The following ABLIM2 variants were observed in gnomAD, a reference collection of about 807,000 sequenced individuals.
ABLIM2 encodes the protein actin binding LIM protein family member 2, also known as actin-binding LIM protein 2.
Under a neutral mutation model 97.7 loss-of-function variants are expected in ABLIM2, and 53 were observed. That is an observed-to-expected ratio of 0.54 (90% CI 0.44 to 0.68). The LOEUF (loss-of-function observed/expected upper bound fraction) is 0.68. Ranked by LOEUF, ABLIM2 falls within the 30% of genes least tolerant of loss-of-function variation. ABLIM2 has a pLI of 0.00. For missense variants in ABLIM2, 835 were observed against 867.2 expected, an observed-to-expected ratio of 0.96 and a Z score of 0.47; for synonymous variants, 361 against 345.8, an observed-to-expected ratio of 1.04 and a Z score of -0.49.
At position 8,068,444 on chromosome 4, in the gene ABLIM2, G is replaced by A. The variant is rs182264737; in HGVS notation, c.676-7390C>T. 2.1e-4 allele frequency among the ~76,000 whole-genome samples: 32 copies of A among 152,228 alleles called. No homozygotes were observed. The highest frequency in any genetic ancestry group is 6.5e-5 in the Admixed American group (1 of 15,290). Reference sequence around the variant, plus strand: ...GTTTAAGGGACGTCCCCACTGTGACGTGCAGAATAGGGCCAGCAGGACAGA... The same window carrying A: ...GTTTAAGGGACGTCCCCACTGTGACATGCAGAATAGGGCCAGCAGGACAGA... On this transcript the variant is annotated intron_variant, in intron 6 of 20. Transcript: ENST00000447017. This position sits in a 1 kb window ranked among gnomAD's most constrained non-coding sequence, Gnocchi z 4.5.
intron 8 of ABLIM2, among the ~76,000 whole-genome samples, chr4:8,048,579 G>A (rs923898893): frequency 2.9e-4 from 44 of 152,320 alleles, no homozygotes; most frequent in African/African-American, 1.0e-3. Flanking sequence ...TCGCTCTACC[G>A]CCCTTGGCCA....
chr4:8,054,311 G>A lies in ABLIM2; in HGVS notation c.764-65C>T, dbSNP rs1357869084. 3.2e-6 allele frequency: 5 copies of A among 1,556,418 alleles called. No individual in the cohort carries two copies. The Admixed American group carries it at 6.8e-5, about 21-fold the overall frequency. On this transcript the variant is annotated intron_variant, in intron 7 of 20. Coordinates refer to ENST00000447017, the MANE Select transcript of ABLIM2 (RefSeq NM_001130083.2). This position sits in a 1 kb window ranked among gnomAD's most constrained non-coding sequence, Gnocchi z 4.9. ...TTCCCATGTTGCAGGGGCCTGTGTG[G>A]AAACGCAGAGGAGGGAGCTGGTCCA...
intron 1 of ABLIM2, among the ~76,000 whole-genome samples, chr4:8,156,380 T>C (rs190990630): frequency 6.6e-6 from 1 of 152,186 alleles, no homozygotes; most frequent in African/African-American, 2.4e-5. Flanking sequence ...AGCTAGGACA[T>C]TGGATTCGGA....
At chr4:8,037,012 C>T (rs1253017072) in intron 9 of ABLIM2, among the ~76,000 whole-genome samples, 1 of 152,138 alleles carries the variant, frequency 6.6e-6, no homozygotes, top group African/African-American at 2.4e-5. Context: ...GCACATCCTC[C>T]CATTTGCTTA....
chr4:7,997,009 G>C (rs1003824555), intron 16 of ABLIM2, among the ~76,000 whole-genome samples: 2 of 152,028 alleles, frequency 1.3e-5, no homozygotes, highest in Admixed American at 6.6e-5. Flanking sequence ...TTGGTTTCTG[G>C]AACTTGTAGG....
At chr4:8,141,577 T>C (rs1380477439) in intron 1 of ABLIM2, among the ~76,000 whole-genome samples, 1 of 152,232 alleles carries the variant, frequency 6.6e-6, no homozygotes, top group Non-Finnish European at 1.5e-5. Flanking sequence ...AGATGGAGTA[T>C]CGCTATGTTG....
intron 5 of ABLIM2, among the ~76,000 whole-genome samples, chr4:8,078,878 G>A (rs1043876566): frequency 2.6e-5 from 4 of 152,248 alleles, no homozygotes; most frequent in Non-Finnish European, 5.9e-5. Context: ...CTGGCACAGA[G>A]CGAGGTACCT....
At chr4:7,969,326 T>G in intron 20 of ABLIM2, among the ~76,000 whole-genome samples, 1 of 151,946 alleles carries the variant, frequency 6.6e-6, no homozygotes, top group Middle Eastern at 3.4e-3. Flanking sequence ...CGCTGGCGTG[T>G]ACCTGTAGTC....
chr4:8,029,635 A>G (rs1249082164), intron 11 of ABLIM2, 21 bp downstream of exon 11: 6 of 1,487,046 alleles, frequency 4.0e-6, no homozygotes, highest in Non-Finnish European at 4.5e-6. Flanking sequence ...GGGGGCTCAG[A>G]GGAACCAGGG....
intron 10 of ABLIM2, among the ~76,000 whole-genome samples, chr4:8,035,712 C>T (rs1397224044): frequency 6.6e-6 from 1 of 152,230 alleles, no homozygotes; most frequent in Non-Finnish European, 1.5e-5. Context: ...TACATTGGCT[C>T]ATGAATTCAT....
In ABLIM2 at chr4:8,108,153, T is replaced by A. The variant is rs115608199; in HGVS notation, c.11-1516A>T. Reference sequence around the variant, plus strand: ...TTGTTACAGAAGCCAGGGAAGGTAATGCAGTGGTCAACCTGTCAGATAGGT... The same window carrying A: ...TTGTTACAGAAGCCAGGGAAGGTAAAGCAGTGGTCAACCTGTCAGATAGGT... On this transcript the variant is annotated intron_variant, in intron 1 of 20. Coordinates refer to ENST00000447017, the MANE Select transcript of ABLIM2 (RefSeq NM_001130083.2). Among the ~76,000 whole-genome samples, 1,463 of 152,338 alleles carry A rather than the reference T, an allele frequency of 9.6e-3. 21 individuals carry two copies. Among genetic ancestry groups the A allele is most frequent in the African/African-American group, 0.034 (1,398 of 41,578 alleles).
chr4:8,010,456 G>A lies in ABLIM2; in HGVS notation c.1424-1354C>T, dbSNP rs776044658. The A allele has an allele frequency of 1.3e-5, 13 of 985,766 alleles. 1 individual carries two copies. The South Asian group carries it at 3.8e-4, about 28-fold the overall frequency. The allele number at this position is 985,766 out of a possible 1,614,324, so 61.1% of individuals were successfully genotyped here. A position where few individuals can be genotyped will look rare whatever the true frequency, so the allele number is the denominator to read the frequency against. On this transcript the variant is annotated intron_variant, in intron 14 of 20. Transcript: ENST00000447017. ...TGCAGCGGGCGGCGGGCTCGGGCCC[G>A]TCTGTCTTTTGCCGTACCCTGCCTC...
chr4:8,129,203 A>G (rs1041287708), intron 1 of ABLIM2, among the ~76,000 whole-genome samples: 2 of 152,254 alleles, frequency 1.3e-5, no homozygotes, highest in African/African-American at 4.8e-5. Flanking sequence ...ATAATTTGAC[A>G]TCAGAGGAAA....
At chr4:7,988,685 T>C (rs1250151368) in intron 17 of ABLIM2, among the ~76,000 whole-genome samples, 1 of 152,208 alleles carries the variant, frequency 6.6e-6, no homozygotes, top group East Asian at 1.9e-4. Flanking sequence ...AACCATGCTA[T>C]GGAGCTTATA....
Position 8,112,651 on chromosome 4 carries a change from G to A in ABLIM2, c.11-6014C>T, listed in dbSNP as rs955221892. Among the ~76,000 whole-genome samples, 1 of 152,194 alleles carries A rather than the reference G, an allele frequency of 6.6e-6. No homozygotes were observed. Among genetic ancestry groups the A allele is most frequent in the African/African-American group, 2.4e-5 (1 of 41,424 alleles). The stretch of plus-strand genomic sequence containing the variant: ...AGGAAAAGGCAAGACAGTAAATACA[G>A]TGTAGGCCCCAGGGACACCACAGTG... On this transcript the variant is annotated intron_variant, in intron 1 of 20. Coordinates refer to ENST00000447017, the MANE Select transcript of ABLIM2 (RefSeq NM_001130083.2). This position sits in a 1 kb window ranked among gnomAD's most constrained non-coding sequence, Gnocchi z 4.2.
At chr4:7,975,793 G>C (rs148730187) in intron 20 of ABLIM2, among the ~76,000 whole-genome samples, 29 of 152,336 alleles carry the variant, frequency 1.9e-4, no homozygotes, top group Non-Finnish European at 3.7e-4. Context: ...GCTTAAAGTT[G>C]TGTTTTGGGA....
At chr4:8,052,900 T>C (rs1796941667) in intron 8 of ABLIM2, among the ~76,000 whole-genome samples, 1 of 152,158 alleles carries the variant, frequency 6.6e-6, no homozygotes, top group African/African-American at 2.4e-5. Context: ...ATGGATGAGG[T>C]CTACGGGATA....
Position 8,085,962 on chromosome 4 carries a change from A to C in ABLIM2, c.454+2207T>G, listed in dbSNP as rs990307515. ...GATGGACAGAGCACCCAGCACACCCACCCCTGCCAGGTACAGGGCACTCCT... is the reference window on the plus strand; with the variant it reads ...GATGGACAGAGCACCCAGCACACCCCCCCCTGCCAGGTACAGGGCACTCCT... On this transcript the variant is annotated intron_variant, in intron 4 of 20. Transcript: ENST00000447017. The surrounding 1 kb of genome is among the most constrained non-coding windows in gnomAD (Gnocchi z 6.1). Among the ~76,000 whole-genome samples the C allele has an allele frequency of 9.2e-5, 14 of 151,872 alleles. No homozygotes were observed. Among genetic ancestry groups the C allele is most frequent in the Admixed American group, 2.0e-4 (3 of 15,260 alleles).
At chr4:8,039,773 C>T (rs1786925318) in intron 9 of ABLIM2, among the ~76,000 whole-genome samples, 2 of 152,006 alleles carry the variant, frequency 1.3e-5, no homozygotes, top group Non-Finnish European at 2.9e-5. Context: ...AAATTACACA[C>T]ACACAGAAGC....
Sources: allele counts gnomAD v4.1 joint callset (sites outside exome capture counted in the v4.1 genomes callset), GRCh38; gene constraint gnomAD v4.1.1; non-coding constraint Gnocchi (gnomAD v3.1); transcripts MANE v1.5; gene names NCBI Gene and HGNC (gene_info 2026-07-23, HGNC 2026-07-21).